Variants in FBXO36 observed in about 807,000 individuals in gnomAD.
FBXO36 encodes the protein F-box only protein 36.
A neutral mutation model predicts 17.0 loss-of-function variants in FBXO36; 18 were observed. The observed-to-expected ratio is 1.06, with a 90% CI of 0.73 to 1.57. FBXO36 has a LOEUF of 1.57. Ranked by LOEUF, FBXO36 falls within the 40% of genes most tolerant of loss-of-function variation. The probability of loss-of-function intolerance (pLI) is 0.00; values close to 1 mark genes in which losing one functional copy is unlikely to be tolerated. For missense variants in FBXO36, 229 were observed against 221.9 expected (o/e 1.03, Z -0.20); for synonymous variants, 83 against 85.3 (o/e 0.97, Z 0.15).
Position 229,977,729 on chromosome 2 carries a change from C to T in FBXO36, c.205+1380C>T, listed in dbSNP as rs572599502. On this transcript the variant is annotated intron_variant, in intron 2 of 3. Transcript: ENST00000283946. ...CCTCCCAGAGTGCTGGAATTACAGG[C>T]GTGAGCCACTGCACCCGGCCAGAAT... Among the ~76,000 whole-genome samples the T allele has an allele frequency of 3.9e-5, 6 of 152,280 alleles. No individual in the cohort carries two copies. In the South Asian group the frequency reaches 1.2e-3, roughly 32 times the overall value.
chr2:230,005,837 T>A (rs2077384440), intron 3 of FBXO36, among the ~76,000 whole-genome samples: 1 of 151,982 alleles, frequency 6.6e-6, no homozygotes, highest in South Asian at 2.1e-4. Flanking sequence ...CTGGCTAATT[T>A]TTGTATTTTT....
chr2:230,001,151 A>C (rs956956548), intron 3 of FBXO36, among the ~76,000 whole-genome samples: 1 of 152,042 alleles, frequency 6.6e-6, no homozygotes, highest in Non-Finnish European at 1.5e-5. Context: ...GAGCCACTGC[A>C]CCCAGCCAAC....
At chr2:229,959,816 A>T (rs1325698381) in intron 1 of FBXO36, among the ~76,000 whole-genome samples, 2 of 152,004 alleles carry the variant, frequency 1.3e-5, no homozygotes, top group African/African-American at 4.8e-5. Context: ...ACTGCACTCC[A>T]GCCTAGGCAA....
intron 3 of FBXO36, among the ~76,000 whole-genome samples, chr2:230,001,827 T>A (rs1199079873): frequency 6.6e-6 from 1 of 151,976 alleles, no homozygotes; most frequent in African/African-American, 2.4e-5. Flanking sequence ...TTACTATTAT[T>A]GTTTTTTTAA....
At chr2:229,936,748 G>C (rs989457375) in intron 1 of FBXO36, among the ~76,000 whole-genome samples, 1 of 152,124 alleles carries the variant, frequency 6.6e-6, no homozygotes, top group Non-Finnish European at 1.5e-5. Context: ...GCATGCAACT[G>C]TGGTCCCAGC....
At chr2:229,963,444 C>CTTT (rs757351541) in intron 1 of FBXO36, among the ~76,000 whole-genome samples, 14 of 129,244 alleles carry the variant, frequency 1.1e-4, no homozygotes, top group South Asian at 2.5e-4. Context: ...TTTCTTTTTT[C>CTTT]TTTTTTTTTT....
chr2:229,975,378 C>T (rs1197845611), intron 1 of FBXO36, among the ~76,000 whole-genome samples: 1 of 152,018 alleles, frequency 6.6e-6, no homozygotes, highest in Non-Finnish European at 1.5e-5. Flanking sequence ...GGAATTAGCT[C>T]CCCAAATTAT....
At chr2:229,994,572 C>T (rs561218543) in intron 2 of FBXO36, among the ~76,000 whole-genome samples, 18 of 152,322 alleles carry the variant, frequency 1.2e-4, no homozygotes, top group African/African-American at 4.1e-4. Context: ...GCCTATTGCC[C>T]TTGACAGCTC....
Position 229,981,715 on chromosome 2 carries a change from AAAGAAAG to A in FBXO36, c.205+5369_205+5375del, listed in dbSNP as rs1189107719. On this transcript the variant is annotated intron_variant, in intron 2 of 3. Coordinates refer to ENST00000283946, the MANE Select transcript of FBXO36 (RefSeq NM_174899.5). The stretch of plus-strand genomic sequence containing the variant: ...AGACCCTGTCTCAAAAAAAAAAAAA[AAAGAAAG>A]AAAGAAAAAGGAAAAGAAAAAAAAA... 8.8e-5 allele frequency among the ~76,000 whole-genome samples: 13 copies of A among 147,152 alleles called. 1 individual carries two copies. The highest frequency in any genetic ancestry group is 9.1e-5 in the Non-Finnish European group (6 of 66,060).
intron 1 of FBXO36, among the ~76,000 whole-genome samples, chr2:229,972,045 G>A (rs2077183510): frequency 6.8e-6 from 1 of 147,096 alleles, no homozygotes; most frequent in Non-Finnish European, 1.5e-5. Flanking sequence ...CCCGGCTGGA[G>A]TGCAATGACA....
intron 1 of FBXO36, among the ~76,000 whole-genome samples, chr2:229,940,620 T>C (rs754598828): frequency 1.3e-5 from 2 of 152,178 alleles, no homozygotes; most frequent in Non-Finnish European, 2.9e-5. Flanking sequence ...TAAAGTAGCA[T>C]GGGCCCCTTA....
chr2:229,995,592 C>CTTTTTTTTTTTTTTTTTTTT lies in FBXO36; in HGVS notation c.206-1156_206-1155insTTTTTTTTTTTTTTTTTTTT, dbSNP rs748422157. On this transcript the variant is annotated intron_variant, in intron 2 of 3. Coordinates refer to ENST00000283946, the MANE Select transcript of FBXO36 (RefSeq NM_174899.5). ...TTTCTTTCTTTCTTTCTCTTTCTTTCTTTCTTTTTTTTTTTTTTGGACAGA... is the reference window on the plus strand; with the variant it reads ...TTTCTTTCTTTCTTTCTCTTTCTTTCTTTTTTTTTTTTTTTTTTTTTTTCTTTTTTTTTTTTTTGGACAGA... Among the ~76,000 whole-genome samples the CTTTTTTTTTTTTTTTTTTTT allele has an allele frequency of 4.4e-5, 5 of 114,550 alleles. 1 individual carries two copies. Among genetic ancestry groups the CTTTTTTTTTTTTTTTTTTTT allele is most frequent in the Non-Finnish European group, 1.8e-5 (1 of 55,184 alleles). 75.1% of individuals were successfully genotyped at this position (114,550 alleles called of 152,430 possible).
At chr2:229,997,311 G>C (rs1005204746) in intron 3 of FBXO36, among the ~76,000 whole-genome samples, 3 of 151,402 alleles carry the variant, frequency 2.0e-5, no homozygotes, top group African/African-American at 7.3e-5. Context: ...CAGAAGCATA[G>C]TGGCGTAAGA....
chr2:229,938,824 A>G (rs1418336604), intron 1 of FBXO36, among the ~76,000 whole-genome samples: 2 of 132,518 alleles, frequency 1.5e-5, no homozygotes, highest in African/African-American at 2.9e-5. Flanking sequence ...CAGTGGCGCC[A>G]TCTCGGCTCA....
chr2:230,010,686 C>T lies in FBXO36; in HGVS notation c.379-10C>T. The stretch of plus-strand genomic sequence containing the variant: ...TGCTGTAACCCACCTCTGACTTTTC[C>T]CACCCACAGCTGTGCATGTCTGATA... On this transcript the variant is annotated splice_polypyrimidine_tract_variant and intron_variant, in intron 3 of 3. Transcript: ENST00000283946. 1 of 1,589,754 alleles carries T rather than the reference C, an allele frequency of 6.3e-7. No homozygotes were observed.
chr2:229,982,661 G>A (rs992797199), intron 2 of FBXO36, among the ~76,000 whole-genome samples: 2 of 150,848 alleles, frequency 1.3e-5, no homozygotes, highest in African/African-American at 4.9e-5. Flanking sequence ...ACAAAATTTA[G>A]CCAGGCATGG....
chr2:229,942,993 G>A (rs989890792), intron 1 of FBXO36: 17 of 152,194 alleles, frequency 1.1e-4, no homozygotes, highest in African/African-American at 4.1e-4. Flanking sequence ...AGTCTCATAT[G>A]GATCCACCAT....
intron 2 of FBXO36, among the ~76,000 whole-genome samples, chr2:229,979,113 T>C (rs2077225041): frequency 6.7e-6 from 1 of 149,188 alleles, no homozygotes; most frequent in South Asian, 2.1e-4. Context: ...GAGGTTGAAG[T>C]GAGCAGAGAT....
rs1365907159 is a variant in FBXO36 at position 230,011,062 on chromosome 2, T to C, written c.*178T>C. 5 of 642,918 alleles carry C rather than the reference T, an allele frequency of 7.8e-6. No homozygotes were observed. The highest frequency in any genetic ancestry group is 1.3e-5 in the Non-Finnish European group (5 of 390,586). 39.8% of individuals were successfully genotyped at this position (642,918 alleles called of 1,614,324 possible). On this transcript the variant is annotated 3_prime_UTR_variant, in exon 4 of 4. Transcript: ENST00000283946. ...AGAGTCTGGCTCCCCAGTGCCTTGCTAGAGTCACCGTCATTCTGAGGTCAA... is the reference window on the plus strand; with the variant it reads ...AGAGTCTGGCTCCCCAGTGCCTTGCCAGAGTCACCGTCATTCTGAGGTCAA...
Sources: gnomAD v4.1 joint callset for allele counts (sites outside exome capture counted in the v4.1 genomes callset) on GRCh38, gnomAD v4.1.1 for gene constraint, MANE v1.5 for transcripts, NCBI Gene and HGNC (gene_info 2026-07-23, HGNC 2026-07-21) for gene names.